MAN2C1: variants seen among roughly 807,000 people sequenced by gnomAD.
The protein encoded by MAN2C1 is mannosidase alpha class 2C member 1.
Under a neutral mutation model 126.9 loss-of-function variants are expected in MAN2C1, and 111 were observed. The observed-to-expected ratio is 0.87, with a 90% confidence interval of 0.75 to 1.02. The LOEUF (loss-of-function observed/expected upper bound fraction) is 1.02. Ranked by LOEUF, MAN2C1 falls within the 50% of genes least tolerant of loss-of-function variation. MAN2C1 has a pLI of 0.00. For synonymous variants in MAN2C1, 567 were observed against 561.5 expected (o/e 1.01, Z -0.14); for missense variants, 1,363 against 1,364.4 (o/e 1.00, Z 0.02).
In MAN2C1 at chr15:75,366,596, G is replaced by A. The variant is rs1189639739; in HGVS notation, c.352-4C>T. On this transcript the variant is annotated splice_polypyrimidine_tract_variant and splice_region_variant and intron_variant, in intron 3 of 25. Coordinates refer to ENST00000267978, the MANE Select transcript of MAN2C1 (RefSeq NM_006715.4). ...TCTCACCCTCTTTGGTTAAACCCTA[G>A]TAGGGAGGGGAGTGAGAGAGACAAG... The A allele has an allele frequency of 5.0e-6, 8 of 1,609,488 alleles. No homozygotes were observed. The African/African-American group carries it at 6.7e-5, about 13-fold the overall frequency.
At position 75,363,925 on chromosome 15, in the gene MAN2C1, G is replaced by C. The variant is rs1202159289; in HGVS notation, c.790+74C>G. The C allele has an allele frequency of 3.9e-6, 6 of 1,524,654 alleles. No homozygotes were observed. The East Asian group carries it at 1.4e-4, about 35-fold the overall frequency. 94.4% of individuals were successfully genotyped at this position (1,524,654 alleles called of 1,614,324 possible). On this transcript the variant is annotated intron_variant, in intron 6 of 25. Transcript: ENST00000267978. ...GCAAGAACTTGCTGAGCATCACACA[G>C]TGCTTCTAGGGCACATCCAGGTCTT...
chr15:75,366,383 T>C (rs1032857255), intron 4 of MAN2C1, 139 bp downstream of exon 4: 5 of 718,786 alleles, frequency 7.0e-6, no homozygotes, highest in Non-Finnish European at 1.2e-5. Context: ...ATCATGCTTT[T>C]AAAAGCAAAC....
intron 6 of MAN2C1, chr15:75,363,415 C>T (rs1156744939): frequency 4.8e-6 from 2 of 417,008 alleles, no homozygotes; most frequent in African/African-American, 2.1e-5. Flanking sequence ...CCTCAGACTC[C>T]CCACCATTGT....
At position 75,361,795 on chromosome 15, in the gene MAN2C1, A is replaced by C; in HGVS notation, c.1101+60T>G. 3 of 1,593,412 alleles carry C rather than the reference A, an allele frequency of 1.9e-6. No homozygotes were observed. Among genetic ancestry groups the C allele is most frequent in the Non-Finnish European group, 2.6e-6 (3 of 1,161,526 alleles). ...CTCACCCCAGCCTCAGCCCCTCAGCACTCCAAGTCGAGCGCCAGCCCCACT... is the reference window on the plus strand; with the variant it reads ...CTCACCCCAGCCTCAGCCCCTCAGCCCTCCAAGTCGAGCGCCAGCCCCACT... On this transcript the variant is annotated intron_variant, in intron 9 of 25. Transcript: ENST00000267978. This position sits in a 1 kb window ranked among gnomAD's most constrained non-coding sequence, Gnocchi z 5.0.
Position 75,356,642 on chromosome 15 carries a change from GC to G in MAN2C1, c.2700del (p.Arg901AlafsTer8). ...ATCAGTGCATAGGTGAACTCGTGGC[GC>G]CCCGTGTCAGCAGTAGCGTCCGGGG... ...PKAPDATADTGRHEFTYALMP... is the reference protein window; with the variant it reads ...PKAPDATADTXRHEFTYALMP... On this transcript the variant is annotated frameshift_variant, in exon 23 of 26. Coordinates refer to ENST00000267978, the MANE Select transcript of MAN2C1 (RefSeq NM_006715.4). LOFTEE classifies it high-confidence loss of function. This position sits in a 1 kb window ranked among gnomAD's most constrained non-coding sequence, Gnocchi z 5.8. 6.4e-7 allele frequency: 1 copy of G among 1,572,466 alleles called. No homozygotes were observed. The highest frequency in any genetic ancestry group is 8.6e-7 in the Non-Finnish European group (1 of 1,159,328).
chr15:75,361,259 A>T lies in MAN2C1; in HGVS notation c.1314+27T>A. 6.3e-7 allele frequency: 1 copy of T among 1,579,680 alleles called. No homozygotes were observed. Among genetic ancestry groups the T allele is most frequent in the East Asian group, 2.3e-5 (1 of 43,756 alleles). ...AGCCAGCCCTCTCCAGCCTGCCCCT[A>T]CCCCACCACCCTAGGTGACCCCTCA... On this transcript the variant is annotated intron_variant, in intron 11 of 25. Coordinates refer to ENST00000267978, the MANE Select transcript of MAN2C1 (RefSeq NM_006715.4). The surrounding 1 kb of genome is among the most constrained non-coding windows in gnomAD (Gnocchi z 5.0).
chr15:75,362,538 G>C lies in MAN2C1; in HGVS notation c.898-85C>G. 2 of 1,520,444 alleles carry C rather than the reference G, an allele frequency of 1.3e-6. No individual in the cohort carries two copies. The highest frequency in any genetic ancestry group is 1.8e-6 in the Non-Finnish European group (2 of 1,109,812). 94.2% of individuals were successfully genotyped at this position (1,520,444 alleles called of 1,614,324 possible). On this transcript the variant is annotated intron_variant, in intron 7 of 25. Transcript: ENST00000267978. This position sits in a 1 kb window ranked among gnomAD's most constrained non-coding sequence, Gnocchi z 4.5. Reference sequence around the variant, plus strand: ...CATATGGGACTCAGTGTGTGGCTGAGGGTGAGGAGCAGCCCTGACCCCAGG... The same window carrying C: ...CATATGGGACTCAGTGTGTGGCTGACGGTGAGGAGCAGCCCTGACCCCAGG...
At position 75,356,997 on chromosome 15, in the gene MAN2C1, T is replaced by C. The variant is rs890410297; in HGVS notation, c.2548-95A>G. Reference sequence around the variant, plus strand: ...CTGTCACTAGGCCGAGCACAAGCTCTAGAACCACACAACTGAACTCCAGCT... The same window carrying C: ...CTGTCACTAGGCCGAGCACAAGCTCCAGAACCACACAACTGAACTCCAGCT... On this transcript the variant is annotated intron_variant, in intron 21 of 25. Coordinates refer to ENST00000267978, the MANE Select transcript of MAN2C1 (RefSeq NM_006715.4). This position sits in a 1 kb window ranked among gnomAD's most constrained non-coding sequence, Gnocchi z 5.8. 8 of 997,412 alleles carry C rather than the reference T, an allele frequency of 8.0e-6. No homozygotes were observed. Among genetic ancestry groups the C allele is most frequent in the East Asian group, 2.6e-5 (1 of 38,984 alleles). The allele number at this position is 997,412 out of a possible 1,614,324, so 61.8% of individuals were successfully genotyped here. A position where few individuals can be genotyped will look rare whatever the true frequency, so the allele number is the denominator to read the frequency against.
chr15:75,364,238 A>G (rs373221679), intron 5 of MAN2C1, 50 bp from the exon 6 acceptor site: 4 of 1,546,272 alleles, frequency 2.6e-6, no homozygotes, highest in South Asian at 1.2e-5. Context: ...CAGCTTCCAG[A>G]CCTAGGCTCC....
At chr15:75,366,000 T>C in intron 4 of MAN2C1, 1 of 413,182 alleles carries the variant, frequency 2.4e-6, no homozygotes, top group Non-Finnish European at 4.8e-6. Flanking sequence ...GGCATGAGAA[T>C]CGCTTGAACC....
chr15:75,366,380 T>C (rs570263438), intron 4 of MAN2C1, 142 bp downstream of exon 4: 6 of 705,952 alleles, frequency 8.5e-6, no homozygotes, highest in Admixed American at 2.8e-5. Flanking sequence ...AAAATCATGC[T>C]TTTAAAAGCA....
intron 6 of MAN2C1, 151 bp downstream of exon 6, chr15:75,363,848 T>C: frequency 5.1e-6 from 4 of 789,586 alleles, no homozygotes; most frequent in Non-Finnish European, 8.0e-6. Flanking sequence ...GAGCCCACAG[T>C]CCAGCCCCCC....
intron 18 of MAN2C1, 61 bp from the exon 19 acceptor site, chr15:75,358,869 T>C (rs1411096588): frequency 6.8e-7 from 1 of 1,461,576 alleles, no homozygotes; most frequent in African/African-American, 1.4e-5. Context: ...CAGCTGCTCT[T>C]GGTGGGGTAG....
intron 3 of MAN2C1, 107 bp from the exon 4 acceptor site, chr15:75,366,699 G>T: frequency 1.3e-6 from 1 of 779,056 alleles, no homozygotes. Flanking sequence ...CCAGCTCTGG[G>T]TCCTCTCTCC....
In MAN2C1 at chr15:75,356,690, G is replaced by C; in HGVS notation, c.2658-5C>G. The C allele has an allele frequency of 2.5e-6, 4 of 1,601,758 alleles. No homozygotes were observed. The highest frequency in any genetic ancestry group is 3.4e-6 in the Non-Finnish European group (4 of 1,174,620). ...GGGGCTTTAGGCGCCCGCAAGCTGG[G>C]GTGAGGAGGGCGCGTAGGGGCCACG... On this transcript the variant is annotated splice_region_variant and splice_polypyrimidine_tract_variant and intron_variant, in intron 22 of 25. Transcript: ENST00000267978. This position sits in a 1 kb window ranked among gnomAD's most constrained non-coding sequence, Gnocchi z 5.8.
At chr15:75,360,319 G>T in intron 13 of MAN2C1, 108 bp from the exon 14 acceptor site, 1 of 1,480,002 alleles carries the variant, frequency 6.8e-7, no homozygotes, top group Non-Finnish European at 9.2e-7. Flanking sequence ...AGGGCCTCGT[G>T]GAGAAGGCCT....
At position 75,361,748 on chromosome 15, in the gene MAN2C1, A is replaced by G; in HGVS notation, c.1102-28T>C. 1.3e-6 allele frequency: 2 copies of G among 1,599,490 alleles called. No individual in the cohort carries two copies. Among genetic ancestry groups the G allele is most frequent in the Non-Finnish European group, 1.7e-6 (2 of 1,166,792 alleles). ...GTGGAGAAAGAGGATCCTGGAGTGCAGGAACCAGAGCTCCAGGCGGACTCA... is the reference window on the plus strand; with the variant it reads ...GTGGAGAAAGAGGATCCTGGAGTGCGGGAACCAGAGCTCCAGGCGGACTCA... On this transcript the variant is annotated intron_variant, in intron 9 of 25. Coordinates refer to ENST00000267978, the MANE Select transcript of MAN2C1 (RefSeq NM_006715.4). This position sits in a 1 kb window ranked among gnomAD's most constrained non-coding sequence, Gnocchi z 5.0.
Position 75,355,861 on chromosome 15 carries a change from G to T in MAN2C1, c.*45C>A, listed in dbSNP as rs1455214691. 1 of 1,608,124 alleles carries T rather than the reference G, an allele frequency of 6.2e-7. No homozygotes were observed. Among genetic ancestry groups the T allele is most frequent in the African/African-American group, 1.3e-5 (1 of 74,316 alleles). ...CTTTAGGCTGGGGAAGCAGAAATTA[G>T]GAGTCCCCAGAGCCTTCTACAAACA... On this transcript the variant is annotated 3_prime_UTR_variant, in exon 26 of 26. Transcript: ENST00000267978.
intron 2 of MAN2C1, 71 bp downstream of exon 2, chr15:75,368,002 G>A (rs2072614579): frequency 9.2e-6 from 14 of 1,514,386 alleles, no homozygotes; most frequent in Non-Finnish European, 1.2e-5. Context: ...AGACAACGAA[G>A]GTGTGGCTGG....
Sources: allele counts gnomAD v4.1 joint callset, GRCh38; gene constraint gnomAD v4.1.1; non-coding constraint Gnocchi (gnomAD v3.1); transcripts MANE v1.5; gene names NCBI Gene and HGNC (gene_info 2026-07-23, HGNC 2026-07-21).